Variants in ROBO1 observed in about 807,000 individuals in gnomAD.
The protein encoded by ROBO1 is roundabout homolog 1.
In ROBO1, 149 loss-of-function variants were observed where a neutral mutation model predicts 195.9. The observed-to-expected ratio is 0.76, with a 90% CI of 0.67 to 0.87. The LOEUF is 0.87. Among genes scored for constraint, ROBO1 ranks in the 40% least tolerant of loss-of-function variants. ROBO1 has a pLI of 0.00. For missense variants in ROBO1, 1,933 were observed against 2,068.3 expected, an observed-to-expected ratio of 0.93 and a Z score of 1.27; for synonymous variants, 816 against 733.2, an observed-to-expected ratio of 1.11 and a Z score of -1.82.
chr3:78,700,026 T>C (rs2081385608), intron 8 of ROBO1, among the ~76,000 whole-genome samples: 1 of 152,242 alleles, frequency 6.6e-6, no homozygotes, highest in South Asian at 2.1e-4. Flanking sequence ...GTATGTTTTA[T>C]GTTGCTCCAA....
At chr3:79,686,911 T>C (rs1379735807) in intron 1 of ROBO1, among the ~76,000 whole-genome samples, 1 of 152,062 alleles carries the variant, frequency 6.6e-6, no homozygotes. Flanking sequence ...CATTGCCAAG[T>C]CAATCCTGAA....
At chr3:78,671,797 G>A (rs943491010) in intron 10 of ROBO1, among the ~76,000 whole-genome samples, 8 of 152,206 alleles carry the variant, frequency 5.3e-5, no homozygotes, top group South Asian at 2.1e-4. Context: ...AAGTCCAGTA[G>A]AAGAATGGTT....
chr3:79,383,637 A>G (rs1242494417), intron 2 of ROBO1, among the ~76,000 whole-genome samples: 1 of 152,070 alleles, frequency 6.6e-6, no homozygotes, highest in African/African-American at 2.4e-5. Flanking sequence ...CATTCCCCAG[A>G]AAGTAACGTT....
rs1009361881 is a variant in ROBO1 at position 79,489,432 on chromosome 3, G to A, written c.88+100392C>T. ...GCACTTTGGGAGGCCGAGGTGGGCG[G>A]ATCACGAGGTCAAGAGATCGAGACC... On this transcript the variant is annotated intron_variant, in intron 2 of 30. Transcript: ENST00000464233. Among the ~76,000 whole-genome samples, 14 of 151,984 alleles carry A rather than the reference G, an allele frequency of 9.2e-5. 1 individual carries two copies. The highest frequency in any genetic ancestry group is 1.5e-5 in the Non-Finnish European group (1 of 67,992).
At chr3:79,302,814 AAGAC>A (rs142182101) in intron 2 of ROBO1, among the ~76,000 whole-genome samples, 1,546 of 152,292 alleles carry the variant, frequency 0.01, 9 homozygotes, top group Non-Finnish European at 0.016. Context: ...ATTAAAAAAA[AAGAC>A]AGAGAAACTT....
At chr3:78,858,584 AAGG>A (rs957902176) in intron 4 of ROBO1, among the ~76,000 whole-genome samples, 4 of 142,354 alleles carry the variant, frequency 2.8e-5, no homozygotes, top group Admixed American at 7.0e-5. Flanking sequence ...AAAAAAAAAA[AAGG>A]AGAAGAAGAA....
At chr3:79,083,186 ACT>A (rs1238292014) in intron 3 of ROBO1, among the ~76,000 whole-genome samples, 10 of 152,090 alleles carry the variant, frequency 6.6e-5, no homozygotes, top group African/African-American at 2.2e-4. Flanking sequence ...ACAGAGTGAG[ACT>A]CTGTCTCAAA....
At position 78,659,651 on chromosome 3, in the gene ROBO1, C is replaced by T. The variant is rs573905084; in HGVS notation, c.2442+35G>A. 45 of 1,332,706 alleles carry T rather than the reference C, an allele frequency of 3.4e-5. No homozygotes were observed. In the African/African-American group the frequency reaches 6.8e-4, roughly 20 times the overall value. 82.6% of individuals were successfully genotyped at this position (1,332,706 alleles called of 1,614,324 possible). ...TTTATGAATGGTGGGGGCTGCCCAT[C>T]AGGACATTAATATATATATATATTA... On this transcript the variant is annotated intron_variant, in intron 17 of 30. Coordinates refer to ENST00000464233, the MANE Select transcript of ROBO1 (RefSeq NM_002941.4).
intron 2 of ROBO1, among the ~76,000 whole-genome samples, chr3:79,352,301 T>C (rs2035374645): frequency 1.3e-5 from 2 of 152,220 alleles, no homozygotes. Context: ...TTTTTCTTTT[T>C]AACTTTCTAT....
rs115939033 is a variant in ROBO1, at chr3:78,751,624, T to C, written c.500-4724A>G. Reference sequence around the variant, plus strand: ...TTAATATTTCAGACTCATTCTATTGTAACATAAGTGAGAAATTTCCCTCCT... The same window carrying C: ...TTAATATTTCAGACTCATTCTATTGCAACATAAGTGAGAAATTTCCCTCCT... On this transcript the variant is annotated intron_variant, in intron 4 of 30. Coordinates refer to ENST00000464233, the MANE Select transcript of ROBO1 (RefSeq NM_002941.4). Among the ~76,000 whole-genome samples, 339 of 152,304 alleles carry C rather than the reference T, an allele frequency of 2.2e-3. 2 individuals are homozygous for C. The highest frequency in any genetic ancestry group is 7.4e-3 in the African/African-American group (309 of 41,588).
chr3:78,980,988 C>A (rs1358800832), intron 3 of ROBO1, among the ~76,000 whole-genome samples: 2 of 152,074 alleles, frequency 1.3e-5, no homozygotes, highest in South Asian at 4.1e-4. Context: ...GACAGTCATT[C>A]GTATAAAACA....
chr3:78,974,942 T>C (rs2076852878), intron 3 of ROBO1, among the ~76,000 whole-genome samples: 1 of 152,158 alleles, frequency 6.6e-6, no homozygotes, highest in South Asian at 2.1e-4. Context: ...TTAGTCAAGC[T>C]AAAACTAGTG....
At chr3:79,189,233 C>T (rs949485567) in intron 2 of ROBO1, among the ~76,000 whole-genome samples, 1 of 151,662 alleles carries the variant, frequency 6.6e-6, no homozygotes, top group African/African-American at 2.4e-5. Context: ...CACAGAGATG[C>T]TTTAAGGCCA....
chr3:79,573,869 TAAAG>T (rs1317578646), intron 2 of ROBO1, among the ~76,000 whole-genome samples: 1 of 152,120 alleles, frequency 6.6e-6, no homozygotes, highest in Non-Finnish European at 1.5e-5. Context: ...TTCAACTAAA[TAAAG>T]ACTCAATGAA....
At chr3:79,529,592 C>G (rs577024375) in intron 2 of ROBO1, among the ~76,000 whole-genome samples, 1 of 152,310 alleles carries the variant, frequency 6.6e-6, no homozygotes, top group Admixed American at 6.5e-5. Flanking sequence ...AACACTGTGA[C>G]AGCAGATCTG....
chr3:79,035,301 C>A (rs141828278), intron 3 of ROBO1, among the ~76,000 whole-genome samples: 1 of 152,074 alleles, frequency 6.6e-6, no homozygotes, highest in African/African-American at 2.4e-5. Context: ...AGGCAGCAGG[C>A]GCTATTCATA....
chr3:79,115,217 G>A (rs970242670), intron 3 of ROBO1, among the ~76,000 whole-genome samples: 1 of 152,088 alleles, frequency 6.6e-6, no homozygotes, highest in African/African-American at 2.4e-5. Flanking sequence ...CATCGGCAAA[G>A]CTCAAGTAGT....
At chr3:79,108,699 G>A (rs150341648) in intron 3 of ROBO1, among the ~76,000 whole-genome samples, 4,043 of 151,762 alleles carry the variant, frequency 0.027, 176 homozygotes, top group African/African-American at 0.09. Flanking sequence ...TTAGAGTAAC[G>A]TCTTGATTAA....
At chr3:79,096,836 C>T (rs1449303108) in intron 3 of ROBO1, among the ~76,000 whole-genome samples, 1 of 150,766 alleles carries the variant, frequency 6.6e-6, no homozygotes, top group Non-Finnish European at 1.5e-5. Flanking sequence ...GCATCTTTTG[C>T]AGACAAAAGA....
Sources: gnomAD v4.1 joint callset for allele counts (sites outside exome capture counted in the v4.1 genomes callset) on GRCh38, gnomAD v4.1.1 for gene constraint, MANE v1.5 for transcripts, NCBI Gene and HGNC (gene_info 2026-07-23, HGNC 2026-07-21) for gene names.